Variants in GTF3C5 observed in about 807,000 individuals in gnomAD.
The protein encoded by GTF3C5 is general transcription factor IIIC subunit 5, also known as general transcription factor 3C polypeptide 5.
In GTF3C5, 47 loss-of-function variants were observed where a neutral mutation model predicts 61.0. The observed-to-expected ratio is 0.77, with a 90% CI of 0.61 to 0.98. GTF3C5 has a LOEUF of 0.98. GTF3C5 is among the 50% of genes least tolerant of loss of function. The pLI is 0.00. For missense variants in GTF3C5, 659 were observed against 703.3 expected (o/e 0.94, Z 0.71); for synonymous variants, 295 against 275.4 (o/e 1.07, Z -0.71).
intron 1 of GTF3C5, among the ~76,000 whole-genome samples, chr9:133,031,957 G>A (rs551743716): frequency 1.2e-4 from 18 of 152,146 alleles, no homozygotes; most frequent in Non-Finnish European, 2.6e-4. Context: ...GCAAGGAGGC[G>A]TAAAGAACGA....
Position 133,043,932 on chromosome 9 carries a change from G to T in GTF3C5, c.572+6G>T. On this transcript the variant is annotated splice_donor_region_variant and intron_variant, in intron 3 of 10. Transcript: ENST00000372097. ...CGACCAGAGACCCAGCACCGGTAAG[G>T]CCCCCCTCCATGCAGCCTCGGTTCT... 1.2e-6 allele frequency: 2 copies of T among 1,608,560 alleles called. No individual in the cohort carries two copies. Among genetic ancestry groups the T allele is most frequent in the South Asian group, 1.1e-5 (1 of 90,926 alleles).
At chr9:133,045,053 A>C (rs1400517220) in intron 3 of GTF3C5, among the ~76,000 whole-genome samples, 1 of 152,268 alleles carries the variant, frequency 6.6e-6, no homozygotes, top group Non-Finnish European at 1.5e-5. Context: ...AATGTAGTCA[A>C]ATTGTCAAAT....
At chr9:133,054,991 G>A in intron 8 of GTF3C5, 182 bp downstream of exon 8, 1 of 1,551,740 alleles carries the variant, frequency 6.4e-7, no homozygotes, top group Non-Finnish European at 8.7e-7. Context: ...AAAGCCCCAG[G>A]GCTGTGTGTG....
intron 5 of GTF3C5, among the ~76,000 whole-genome samples, chr9:133,052,560 G>A (rs141895123): frequency 6.6e-6 from 1 of 152,244 alleles, no homozygotes; most frequent in East Asian, 1.9e-4. Flanking sequence ...CTCTACCTGT[G>A]TTGAGTGGGG....
chr9:133,050,703 G>A, intron 3 of GTF3C5, 80 bp from the exon 4 acceptor site: 1 of 1,041,894 alleles, frequency 9.6e-7, no homozygotes, highest in Non-Finnish European at 1.4e-6. Flanking sequence ...GGGGGTTCTG[G>A]GCTCCCTGCC....
chr9:133,054,311 G>T (rs1829856279), intron 6 of GTF3C5, 97 bp from the exon 7 acceptor site: 4 of 991,666 alleles, frequency 4.0e-6, no homozygotes. Context: ...TCAGGAGCTG[G>T]CCCCATGGAC....
At chr9:133,049,514 G>C (rs1053598384) in intron 3 of GTF3C5, among the ~76,000 whole-genome samples, 2 of 152,174 alleles carry the variant, frequency 1.3e-5, no homozygotes, top group African/African-American at 4.8e-5. Flanking sequence ...ATGATCACCC[G>C]AGTGAATTTG....
chr9:133,047,251 T>C (rs996763602), intron 3 of GTF3C5, among the ~76,000 whole-genome samples: 1 of 152,092 alleles, frequency 6.6e-6, no homozygotes, highest in Non-Finnish European at 1.5e-5. Flanking sequence ...CAAAAGCCAC[T>C]CAGGAGCCAA....
At chr9:133,036,304 T>C (rs1014006675) in intron 1 of GTF3C5, among the ~76,000 whole-genome samples, 1 of 152,190 alleles carries the variant, frequency 6.6e-6, no homozygotes, top group African/African-American at 2.4e-5. Context: ...CTTCATACTT[T>C]AAAATTTTTG....
At chr9:133,035,233 A>G (rs1849833346) in intron 1 of GTF3C5, among the ~76,000 whole-genome samples, 2 of 152,212 alleles carry the variant, frequency 1.3e-5, no homozygotes, top group Non-Finnish European at 2.9e-5. Context: ...GCACTTGAAA[A>G]GGGAATAGGT....
chr9:133,031,310 C>T (rs1023951539), intron 1 of GTF3C5, 146 bp downstream of exon 1: 9 of 651,134 alleles, frequency 1.4e-5, no homozygotes, highest in Admixed American at 3.1e-5. Flanking sequence ...TGCAAGAGAG[C>T]CAACAGAACA....
intron 5 of GTF3C5, among the ~76,000 whole-genome samples, chr9:133,052,513 A>C (rs1175353964): frequency 6.6e-6 from 1 of 151,802 alleles, no homozygotes; most frequent in African/African-American, 2.4e-5. Flanking sequence ...GTTGGGCTGC[A>C]GAACCCAGCC....
Position 133,053,387 on chromosome 9 carries a change from C to T in GTF3C5, c.874-441C>T, listed in dbSNP as rs144453308. ...ATCGCTTGCATCCAGGAGTTTGAGA[C>T]GAGCCTAGGCAACATAATGAGACCC... On this transcript the variant is annotated intron_variant, in intron 5 of 10. Transcript: ENST00000372097. Among the ~76,000 whole-genome samples, 1,369 of 152,152 alleles carry T rather than the reference C, an allele frequency of 9.0e-3. 17 individuals carry two copies. Among genetic ancestry groups the T allele is most frequent in the African/African-American group, 0.031 (1,289 of 41,494 alleles).
intron 1 of GTF3C5, among the ~76,000 whole-genome samples, chr9:133,041,784 G>A (rs146940741): frequency 2.5e-3 from 384 of 152,320 alleles, no homozygotes; most frequent in African/African-American, 8.9e-3. Flanking sequence ...AAAGATAAGG[G>A]TGATAGTATC....
rs753931057 is a variant in GTF3C5, at chr9:133,042,127, G to A, written c.194G>A (p.Arg65Gln). 5 of 1,613,756 alleles carry A rather than the reference G, an allele frequency of 3.1e-6. No homozygotes were observed. The highest frequency in any genetic ancestry group is 1.1e-5 in the South Asian group (1 of 91,058). The change falls in exon 2 of 11, where the codon CGG becomes CAG. Residue 65 changes from arginine (R) to glutamine (Q), a missense_variant. By Grantham distance (43) the Arg-to-Gln change is conservative. Coordinates refer to ENST00000372097, the MANE Select transcript of GTF3C5 (RefSeq NM_012087.4). ...DPTKRLELYF[R>Q]PKDPYCHPVC... ...ACCAAGAGGCTGGAGCTGTACTTCCGGCCCAAGGACCCATACTGCCACCCA... is the reference window on the plus strand; with the variant it reads ...ACCAAGAGGCTGGAGCTGTACTTCCAGCCCAAGGACCCATACTGCCACCCA...
chr9:133,038,677 G>A (rs775702569), intron 1 of GTF3C5, among the ~76,000 whole-genome samples: 38 of 151,056 alleles, frequency 2.5e-4, no homozygotes, highest in Non-Finnish European at 4.9e-4. Flanking sequence ...GGCTGGTCTC[G>A]AACTCCTGAC....
At chr9:133,045,528 A>G (rs1404275345) in intron 3 of GTF3C5, among the ~76,000 whole-genome samples, 3 of 152,356 alleles carry the variant, frequency 2.0e-5, no homozygotes, top group East Asian at 3.9e-4. Flanking sequence ...CCCGGTGCCC[A>G]GAACAGAGCC....
At chr9:133,035,594 C>G (rs1564194573) in intron 1 of GTF3C5, among the ~76,000 whole-genome samples, 1 of 152,186 alleles carries the variant, frequency 6.6e-6, no homozygotes, top group Admixed American at 6.5e-5. Context: ...CATTTCCCTT[C>G]AGAATTCTCT....
At chr9:133,036,701 G>A (rs1449612479) in intron 1 of GTF3C5, among the ~76,000 whole-genome samples, 1 of 152,132 alleles carries the variant, frequency 6.6e-6, no homozygotes, top group East Asian at 1.9e-4. Flanking sequence ...TCTTGGGCAA[G>A]CTTTAGGTAT....
Sources: allele counts gnomAD v4.1 joint callset (sites outside exome capture counted in the v4.1 genomes callset), GRCh38; gene constraint gnomAD v4.1.1; transcripts MANE v1.5; gene names NCBI Gene and HGNC (gene_info 2026-07-23, HGNC 2026-07-21).